SYCP2L: variants seen among roughly 807,000 people sequenced by gnomAD.
SYCP2L encodes synaptonemal complex protein 2 like.
SYCP2L carries 98 observed loss-of-function variants against 125.8 expected under a neutral mutation model. The observed-to-expected ratio is 0.78, with a 90% CI of 0.66 to 0.92. The LOEUF (loss-of-function observed/expected upper bound fraction) is 0.92, where lower values mean the gene tolerates loss of function less well. Ranked by LOEUF, SYCP2L falls within the 40% of genes least tolerant of loss-of-function variation. The pLI is 0.00. For missense variants in SYCP2L, 842 were observed against 936.4 expected (o/e 0.90, Z 1.32); for synonymous variants, 317 against 325.4 (o/e 0.97, Z 0.28).
rs1208322114 is a variant in SYCP2L, at chr6:10,891,457, G to A, written c.10-56G>A. On this transcript the variant is annotated intron_variant, in intron 1 of 29. Coordinates refer to ENST00000283141, the MANE Select transcript of SYCP2L (RefSeq NM_001040274.3). ...TTTTTTTGCTTTGTGTTTAAAACTT[G>A]AAATGCATTTCTTTGAAATAAAAAT... 10 of 467,718 alleles carry A rather than the reference G, an allele frequency of 2.1e-5. No homozygotes were observed. In the South Asian group the frequency reaches 3.0e-4, roughly 14 times the overall value. The allele number at this position is 467,718 out of a possible 1,614,324, so 29.0% of individuals were successfully genotyped here.
chr6:10,910,907 G>A, intron 12 of SYCP2L, 38 bp downstream of exon 12: 1 of 1,610,732 alleles, frequency 6.2e-7, no homozygotes, highest in Non-Finnish European at 8.5e-7. Context: ...AGGGCGGTGT[G>A]CAGTGAAACC....
intron 2 of SYCP2L, among the ~76,000 whole-genome samples, chr6:10,892,456 C>G (rs1407623934): frequency 6.6e-6 from 1 of 152,204 alleles, no homozygotes; most frequent in Non-Finnish European, 1.5e-5. Context: ...TGAACCACCA[C>G]ACCTGGCTAG....
chr6:10,952,703 C>G (rs889015674), intron 23 of SYCP2L, among the ~76,000 whole-genome samples: 2 of 152,082 alleles, frequency 1.3e-5, no homozygotes, highest in African/African-American at 2.4e-5. Context: ...TTCTTTTGGC[C>G]CTGACTGCGG....
intron 8 of SYCP2L, among the ~76,000 whole-genome samples, chr6:10,903,834 T>A (rs536564726): frequency 1.8e-4 from 28 of 152,032 alleles, no homozygotes; most frequent in African/African-American, 6.8e-4. Flanking sequence ...TTTTTTTTTC[T>A]TTTTGCTTCA....
intron 10 of SYCP2L, among the ~76,000 whole-genome samples, chr6:10,909,627 C>T (rs765866045): frequency 1.3e-5 from 2 of 152,096 alleles, no homozygotes; most frequent in African/African-American, 4.8e-5. Context: ...TAGGAGAACT[C>T]TAATAATAGT....
intron 18 of SYCP2L, among the ~76,000 whole-genome samples, chr6:10,928,771 T>G (rs1561690817): frequency 6.6e-6 from 1 of 151,974 alleles, no homozygotes. Flanking sequence ...CTCCTGGACT[T>G]AAGAGATTCT....
intron 10 of SYCP2L, among the ~76,000 whole-genome samples, chr6:10,907,892 G>GTTTTTTTTGTTTTTTTTTTTT (rs1780526844): frequency 1.1e-5 from 1 of 91,922 alleles, no homozygotes; most frequent in East Asian, 3.6e-4. Flanking sequence ...ATACAGATAG[G>GTTTTTTTTGTTTTTTTTTTTT]TTTTTTTTTT....
chr6:10,919,711 A>T (rs1004577349), intron 14 of SYCP2L, among the ~76,000 whole-genome samples: 65 of 152,032 alleles, frequency 4.3e-4, no homozygotes, highest in African/African-American at 1.5e-3. Flanking sequence ...CAGGATTAGG[A>T]GTGTCTGAAC....
chr6:10,971,294 T>C (rs1275399228), intron 29 of SYCP2L, among the ~76,000 whole-genome samples: 1 of 151,564 alleles, frequency 6.6e-6, no homozygotes, highest in East Asian at 1.9e-4. Flanking sequence ...CCATCTCTAC[T>C]AAAAATACAA....
chr6:10,934,610 GTGGAGGT>G (rs1452109301), intron 20 of SYCP2L, among the ~76,000 whole-genome samples: 1 of 152,226 alleles, frequency 6.6e-6, no homozygotes, highest in African/African-American at 2.4e-5. Flanking sequence ...AACTCAGTAG[GTGGAGGT>G]TGCAGTGAGT....
At chr6:10,961,260 C>T (rs1288851140) in intron 26 of SYCP2L, 45 bp from the exon 27 acceptor site, 3 of 1,488,470 alleles carry the variant, frequency 2.0e-6, no homozygotes, top group Non-Finnish European at 1.9e-6. Flanking sequence ...TCTGCTGTCA[C>T]ATCCAAGCGA....
chr6:10,901,683 G>C (rs1780378880), intron 6 of SYCP2L, among the ~76,000 whole-genome samples: 1 of 152,188 alleles, frequency 6.6e-6, no homozygotes, highest in African/African-American at 2.4e-5. Context: ...TCCAGACATT[G>C]CTAAGTGTCC....
chr6:10,970,975 A>G (rs1048122254), intron 29 of SYCP2L, among the ~76,000 whole-genome samples: 2 of 152,086 alleles, frequency 1.3e-5, no homozygotes, highest in Non-Finnish European at 2.9e-5. Flanking sequence ...GCTAAGATCA[A>G]GTGTGGAGAT....
rs754032999 is a variant in SYCP2L at position 10,902,717 on chromosome 6, A to C, written c.507A>C (p.Gly169=). 1 of 1,614,168 alleles carries C rather than the reference A, an allele frequency of 6.2e-7. No individual in the cohort carries two copies. Among genetic ancestry groups the C allele is most frequent in the Non-Finnish European group, 8.5e-7 (1 of 1,180,020 alleles). ...TGGATTCCTTCCTACTTAGCTTAGG[A>C]TTCCTGGTGACAGAAAAGACTGTAA... ...QMLDSFLLSL[G]FLVTEKTVNH... The change falls in exon 7 of 30, where the codon GGA becomes GGC. Residue 169 remains glycine, a synonymous_variant. Coordinates refer to ENST00000283141, the MANE Select transcript of SYCP2L (RefSeq NM_001040274.3).
intron 29 of SYCP2L, among the ~76,000 whole-genome samples, chr6:10,967,253 A>G (rs1423449214): frequency 1.3e-5 from 2 of 152,160 alleles, no homozygotes; most frequent in Non-Finnish European, 2.9e-5. Context: ...TAATCCATAA[A>G]CAAATGATTC....
intron 6 of SYCP2L, among the ~76,000 whole-genome samples, chr6:10,901,716 A>C (rs2113299957): frequency 6.6e-6 from 1 of 152,332 alleles, no homozygotes; most frequent in Non-Finnish European, 1.5e-5. Context: ...AATCATCTCT[A>C]GTCAACAACT....
intron 29 of SYCP2L, among the ~76,000 whole-genome samples, chr6:10,967,454 G>GGTGTTTGTGT (rs1781701162): frequency 7.2e-6 from 1 of 138,838 alleles, no homozygotes; most frequent in African/African-American, 2.7e-5. Context: ...TGGGGTAGAG[G>GGTGTTTGTGT]GTGTGTGTGT....
intron 28 of SYCP2L, among the ~76,000 whole-genome samples, chr6:10,962,930 T>C (rs1430282765): frequency 2.0e-5 from 3 of 152,202 alleles, no homozygotes; most frequent in Non-Finnish European, 1.5e-5. Flanking sequence ...CAAAATAATT[T>C]TGACTTCACA....
At chr6:10,966,745 G>C (rs543071008) in intron 29 of SYCP2L, among the ~76,000 whole-genome samples, 1 of 152,320 alleles carries the variant, frequency 6.6e-6, no homozygotes, top group South Asian at 2.1e-4. Context: ...GGAAACCATA[G>C]GAGGAGGAGT....
Sources: allele counts gnomAD v4.1 joint callset (sites outside exome capture counted in the v4.1 genomes callset), GRCh38; gene constraint gnomAD v4.1.1; transcripts MANE v1.5; gene names NCBI Gene and HGNC (gene_info 2026-07-23, HGNC 2026-07-21).